Variants in MYSM1 observed in about 807,000 individuals in gnomAD.
MYSM1 encodes Myb like, SWIRM and MPN domains 1.
MYSM1 carries 51 observed loss-of-function variants against 116.0 expected under a neutral mutation model. The observed-to-expected ratio is 0.44, with a 90% confidence interval of 0.35 to 0.56. MYSM1 has a LOEUF of 0.56. Ranked by LOEUF, MYSM1 falls within the 20% of genes least tolerant of loss-of-function variation. The pLI is 0.00. For synonymous variants in MYSM1, 313 were observed against 315.2 expected (o/e 0.99, Z 0.07); for missense variants, 900 against 974.9 (o/e 0.92, Z 1.02).
chr1:58,663,681 T>C (rs1439318517), intron 17 of MYSM1, among the ~76,000 whole-genome samples: 1 of 152,244 alleles, frequency 6.6e-6, no homozygotes, highest in African/African-American at 2.4e-5. Context: ...CTGGGCTAGT[T>C]TATTCACATA....
chr1:58,688,439 A>AT (rs1050600289), intron 6 of MYSM1, among the ~76,000 whole-genome samples: 3 of 150,922 alleles, frequency 2.0e-5, no homozygotes, highest in Non-Finnish European at 3.0e-5. Flanking sequence ...AATCCTAAGT[A>AT]TTTTTTTTTA....
rs1317557875 is a variant in MYSM1, at chr1:58,659,612, T to C, written c.*385A>G. 1.3e-5 allele frequency: 2 copies of C among 154,466 alleles called. No homozygotes were observed. Among genetic ancestry groups the C allele is most frequent in the African/African-American group, 4.8e-5 (2 of 41,514 alleles). The allele number at this position is 154,466 out of a possible 1,614,324, so 9.6% of individuals were successfully genotyped here. On this transcript the variant is annotated 3_prime_UTR_variant, in exon 20 of 20. Transcript: ENST00000472487. ...GCAGAATATATGGAAAGAATGGAAG[T>C]GCTTTTAAATGAAATAGGAGATACC...
chr1:58,684,080 T>A (rs1569777183), intron 7 of MYSM1, among the ~76,000 whole-genome samples: 1 of 152,244 alleles, frequency 6.6e-6, no homozygotes, highest in East Asian at 1.9e-4. Flanking sequence ...TCTGTTTGGT[T>A]GAAAGATGGA....
intron 11 of MYSM1, among the ~76,000 whole-genome samples, chr1:58,673,026 C>T (rs1351106609): frequency 6.6e-6 from 1 of 152,080 alleles, no homozygotes; most frequent in African/African-American, 2.4e-5. Context: ...TAGTCTATCT[C>T]GTTTCTTTCT....
chr1:58,682,669 C>T lies in MYSM1; in HGVS notation c.499-124G>A, dbSNP rs1036971214. 18 of 854,320 alleles carry T rather than the reference C, an allele frequency of 2.1e-5. No individual in the cohort carries two copies. In the African/African-American group the frequency reaches 2.3e-4, roughly 11 times the overall value. 52.9% of individuals were successfully genotyped at this position (854,320 alleles called of 1,614,324 possible). ...GAATACATGTAAATGGTACATTATA[C>T]CTCTAATGCGCTTTTCTTTTTTTTC... On this transcript the variant is annotated intron_variant, in intron 7 of 19. Coordinates refer to ENST00000472487, the MANE Select transcript of MYSM1 (RefSeq NM_001085487.3).
At chr1:58,681,712 C>A in intron 8 of MYSM1, 73 bp downstream of exon 8, 1 of 1,380,194 alleles carries the variant, frequency 7.2e-7, no homozygotes, top group Non-Finnish European at 9.7e-7. Context: ...ATTCTAAATT[C>A]TGTATAGGCC....
chr1:58,668,590 A>G (rs1250469268), intron 14 of MYSM1, 42 bp downstream of exon 14: 2 of 1,562,750 alleles, frequency 1.3e-6, no homozygotes, highest in Admixed American at 2.0e-5. Flanking sequence ...ACACAAGAGT[A>G]GAAATCAGAA....
At chr1:58,685,350 A>G (rs1204189433) in intron 6 of MYSM1, 99 bp from the exon 7 acceptor site, 2 of 703,088 alleles carry the variant, frequency 2.8e-6, no homozygotes, top group Non-Finnish European at 4.6e-6. Context: ...TTAAAAAAAA[A>G]TACATCTTTA....
chr1:58,690,518 C>T (rs1237086167), intron 3 of MYSM1, 101 bp from the exon 4 acceptor site: 4 of 737,906 alleles, frequency 5.4e-6, no homozygotes, highest in Non-Finnish European at 4.2e-6. Flanking sequence ...TTAATAGTTC[C>T]CTTGTCTTCC....
At chr1:58,685,723 TATCAG>T (rs1361621827) in intron 6 of MYSM1, among the ~76,000 whole-genome samples, 3 of 152,208 alleles carry the variant, frequency 2.0e-5, no homozygotes, top group Admixed American at 6.5e-5. Flanking sequence ...ACTTTTACTC[TATCAG>T]ATATCACAGT....
chr1:58,679,018 A>G lies in MYSM1; in HGVS notation c.1260-1962T>C, dbSNP rs112204696. 9.1e-3 allele frequency among the ~76,000 whole-genome samples: 1,387 copies of G among 152,306 alleles called. 13 individuals are homozygous for G. Among genetic ancestry groups the G allele is most frequent in the South Asian group, 0.044 (213 of 4,828 alleles). ...ATTGGAGATGATTTAAGTACAGTAC[A>G]TGGTATTCGGGAGGCATTCAGTAAT... On this transcript the variant is annotated intron_variant, in intron 8 of 19. Coordinates refer to ENST00000472487, the MANE Select transcript of MYSM1 (RefSeq NM_001085487.3).
chr1:58,687,533 T>C (rs1034647474), intron 6 of MYSM1, among the ~76,000 whole-genome samples: 2 of 152,220 alleles, frequency 1.3e-5, no homozygotes, highest in Admixed American at 6.5e-5. Context: ...AACTGCACCA[T>C]GTTGTAAGCT....
intron 2 of MYSM1, among the ~76,000 whole-genome samples, chr1:58,694,179 T>C (rs1235686845): frequency 4.6e-5 from 7 of 152,210 alleles, no homozygotes; most frequent in African/African-American, 1.7e-4. Flanking sequence ...CTTATTTCCT[T>C]CAAAATCTAT....
intron 7 of MYSM1, among the ~76,000 whole-genome samples, chr1:58,682,970 C>T (rs939265453): frequency 1.2e-4 from 18 of 152,190 alleles, no homozygotes; most frequent in African/African-American, 4.3e-4. Flanking sequence ...GCTGGGATTA[C>T]AGGCAATGTG....
At chr1:58,666,456 G>A (rs187365413) in intron 16 of MYSM1, among the ~76,000 whole-genome samples, 2 of 151,676 alleles carry the variant, frequency 1.3e-5, no homozygotes, top group Admixed American at 6.6e-5. Context: ...TACATTCATG[G>A]CTTGTTTGTA....
intron 10 of MYSM1, among the ~76,000 whole-genome samples, chr1:58,674,658 G>A: frequency 6.6e-6 from 1 of 152,022 alleles, no homozygotes; most frequent in East Asian, 1.9e-4. Context: ...GCACACGGTG[G>A]CTCACGCCTG....
chr1:58,673,521 T>C (rs201816018), intron 11 of MYSM1, 52 bp downstream of exon 11: 6 of 1,375,074 alleles, frequency 4.4e-6, no homozygotes, highest in Non-Finnish European at 5.2e-6. Flanking sequence ...TGTACAAATA[T>C]ATATTTAAAA....
At chr1:58,679,639 TG>T (rs1408875238) in intron 8 of MYSM1, among the ~76,000 whole-genome samples, 2 of 152,152 alleles carry the variant, frequency 1.3e-5, no homozygotes, top group Non-Finnish European at 2.9e-5. Context: ...AAAAATTTTT[TG>T]TAGGGACAGG....
intron 17 of MYSM1, among the ~76,000 whole-genome samples, chr1:58,664,858 T>A (rs1447770446): frequency 6.6e-6 from 1 of 152,172 alleles, no homozygotes; most frequent in African/African-American, 2.4e-5. Context: ...AGAATAAATA[T>A]CCTAGAGTTA....
Sources: gnomAD v4.1 joint callset for allele counts (sites outside exome capture counted in the v4.1 genomes callset) on GRCh38, gnomAD v4.1.1 for gene constraint, MANE v1.5 for transcripts, NCBI Gene and HGNC (gene_info 2026-07-23, HGNC 2026-07-21) for gene names.